The following MYOM1 variants were observed in gnomAD, a reference collection of about 807,000 sequenced individuals.
MYOM1 encodes the protein myomesin 1, also known as myomesin-1.
In MYOM1, 164 loss-of-function variants were observed where a neutral mutation model predicts 205.3. That is an observed-to-expected ratio of 0.80 (90% confidence interval 0.70 to 0.91). MYOM1 has a LOEUF of 0.91. Among genes scored for constraint, MYOM1 ranks in the 40% least tolerant of loss-of-function variants. MYOM1 has a pLI of 0.00. For missense variants in MYOM1, 2,011 were observed against 2,127.3 expected, an observed-to-expected ratio of 0.95 and a Z score of 1.08; for synonymous variants, 772 against 789.4, an observed-to-expected ratio of 0.98 and a Z score of 0.37.
chr18:3,116,432 T>A lies in MYOM1; in HGVS notation c.3202A>T (p.Thr1068Ser). ...QWKPPVHSGR[T>S]PVTGYFVDLK... ...TCCACGAAGTAACCAGTGACCGGAG[T>A]CCGCCCGGAGTGGACTGGCGGCTTC... The change falls in exon 21 of 38, where the codon ACT becomes TCT. Residue 1068 changes from threonine (T) to serine (S), a missense_variant. Physicochemically the swap from Thr to Ser is moderately conservative, Grantham distance 58 (BLOSUM62 1). Transcript: ENST00000356443. 6.2e-7 allele frequency: 1 copy of A among 1,613,752 alleles called. No homozygotes were observed.
chr18:3,155,222 T>C lies in MYOM1; in HGVS notation c.1502-134A>G, dbSNP rs115957401. On this transcript the variant is annotated intron_variant, in intron 10 of 37. Coordinates refer to ENST00000356443, the MANE Select transcript of MYOM1 (RefSeq NM_003803.4). ...TGGCCCCAACGCAGCAAGCATCAAATCTTGCTATTTTTTTTTTGAGACGGA... is the reference window on the plus strand; with the variant it reads ...TGGCCCCAACGCAGCAAGCATCAAACCTTGCTATTTTTTTTTTGAGACGGA... 459 of 934,584 alleles carry C rather than the reference T, an allele frequency of 4.9e-4. 1 individual carries two copies. The African/African-American group carries it at 5.7e-3, about 12-fold the overall frequency. The allele number at this position is 934,584 out of a possible 1,614,324, so 57.9% of individuals were successfully genotyped here.
intron 5 of MYOM1, among the ~76,000 whole-genome samples, chr18:3,181,462 C>T (rs1473898238): frequency 6.6e-6 from 1 of 152,110 alleles, no homozygotes; most frequent in East Asian, 1.9e-4. Flanking sequence ...TTGTGTTAAC[C>T]ATTTTAAATA....
chr18:3,121,839 C>G (rs552821925), intron 19 of MYOM1, among the ~76,000 whole-genome samples: 7 of 152,216 alleles, frequency 4.6e-5, no homozygotes, highest in African/African-American at 1.7e-4. Context: ...ACAGAACAGG[C>G]CAGGTGTGGT....
chr18:3,231,764 G>A, the MYOM1 span, among the ~76,000 whole-genome samples: 5 of 149,590 alleles, frequency 3.3e-5, no homozygotes, highest in East Asian at 6.0e-4. Context: ...GGATGGTCTC[G>A]ATTTCTTGAC....
intron 19 of MYOM1, among the ~76,000 whole-genome samples, chr18:3,124,731 T>C (rs1385280438): frequency 6.6e-5 from 10 of 152,130 alleles, no homozygotes; most frequent in Admixed American, 5.9e-4. Flanking sequence ...GGTGAATTAA[T>C]GACAGAAATG....
intron 13 of MYOM1, among the ~76,000 whole-genome samples, chr18:3,146,190 T>TA (rs1043904799): frequency 1.8e-4 from 28 of 151,848 alleles, no homozygotes; most frequent in Admixed American, 2.6e-4. Context: ...AATGTTTAAT[T>TA]AAAAAAAATA....
chr18:3,157,361 C>T (rs560332130), intron 10 of MYOM1, among the ~76,000 whole-genome samples: 1 of 152,150 alleles, frequency 6.6e-6, no homozygotes, highest in South Asian at 2.1e-4. Context: ...TTCATTCATT[C>T]AGTACTCTTC....
intron 2 of MYOM1, among the ~76,000 whole-genome samples, chr18:3,211,342 C>T (rs755922070): frequency 5.3e-5 from 8 of 152,148 alleles, no homozygotes; most frequent in Non-Finnish European, 8.8e-5. Context: ...CATTTTTAGA[C>T]TTTCTAGAGC....
chr18:3,160,039 C>T (rs181059582), intron 10 of MYOM1, among the ~76,000 whole-genome samples: 2 of 149,840 alleles, frequency 1.3e-5, no homozygotes, highest in East Asian at 3.9e-4. Context: ...TCCTCTTCCT[C>T]CTCCTTCTCC....
chr18:3,074,298 G>A (rs890153738), intron 36 of MYOM1, among the ~76,000 whole-genome samples: 1 of 152,170 alleles, frequency 6.6e-6, no homozygotes. Context: ...GGGGGAAAGT[G>A]GAGAAGGGAG....
At chr18:3,150,818 A>ATTATTG (rs1468950174) in intron 12 of MYOM1, among the ~76,000 whole-genome samples, 1 of 151,700 alleles carries the variant, frequency 6.6e-6, no homozygotes, top group African/African-American at 2.4e-5. Context: ...AAAGATTATT[A>ATTATTG]TTATTGTTAT....
At chr18:3,173,884 T>C (rs2080595585) in intron 8 of MYOM1, 54 bp downstream of exon 8, 2 of 1,507,638 alleles carry the variant, frequency 1.3e-6, no homozygotes, top group Non-Finnish European at 1.8e-6. Context: ...GGCTAACTTA[T>C]TATGCCATAT....
At position 3,215,181 on chromosome 18, in the gene MYOM1, G is replaced by T. The variant is rs1268967095; in HGVS notation, c.43C>A (p.Leu15Ile). Residue 15 changes from leucine (L) to isoleucine (I), a missense_variant, in exon 2 of 38, where the codon CTC becomes ATC. Physicochemically the swap from Leu to Ile is conservative, Grantham distance 5 (BLOSUM62 2). Coordinates refer to ENST00000356443, the MANE Select transcript of MYOM1 (RefSeq NM_003803.4). ...FYQRCHQHYD[L>I]SYRNKDVRST... ...CGCACGTCCTTGTTGCGGTAGCTGA[G>T]ATCATAGTGCTGGTGGCACCTCTGA... is the stretch of plus-strand genomic sequence containing the variant. 1 of 1,613,276 alleles carries T rather than the reference G, an allele frequency of 6.2e-7. No homozygotes were observed. The highest frequency in any genetic ancestry group is 8.5e-7 in the Non-Finnish European group (1 of 1,179,668).
the MYOM1 span, among the ~76,000 whole-genome samples, chr18:3,233,299 A>G: frequency 1.3e-5 from 2 of 152,162 alleles, no homozygotes; most frequent in Non-Finnish European, 1.5e-5. Context: ...AAACTCCCTT[A>G]CTTTTTCTAC....
In MYOM1 at chr18:3,112,355, C is replaced by G. The variant is rs1344740531; in HGVS notation, c.3361G>C (p.Ala1121Pro). Residue 1121 changes from alanine to proline, a missense_variant, in exon 22 of 38, where the codon GCG (alanine) becomes CCG (proline). By Grantham distance (27) the Ala-to-Pro change is conservative. Coordinates refer to ENST00000356443, the MANE Select transcript of MYOM1 (RefSeq NM_003803.4). Reference sequence around the variant, plus strand: ...AGGTCAGATGGCTTCCCAACTCCCGCCTGGTTTATGGCTCGAACACGGAAC... The same window carrying G: ...AGGTCAGATGGCTTCCCAACTCCCGGCTGGTTTATGGCTCGAACACGGAAC... Reference protein sequence around the residue: ...YVFRVRAINQAGVGKPSDLAG... With the variant: ...YVFRVRAINQPGVGKPSDLAG... The G allele has an allele frequency of 6.8e-6, 11 of 1,612,726 alleles. No homozygotes were observed. In the African/African-American group the frequency reaches 1.3e-4, roughly 20 times the overall value.
chr18:3,098,431 C>T (rs2079334339), intron 25 of MYOM1, among the ~76,000 whole-genome samples: 1 of 152,078 alleles, frequency 6.6e-6, no homozygotes, highest in Non-Finnish European at 1.5e-5. Context: ...GCGCCCACCA[C>T]CACACCCAGC....
intron 22 of MYOM1, among the ~76,000 whole-genome samples, chr18:3,106,332 A>C (rs1490556250): frequency 2.0e-5 from 3 of 152,254 alleles, no homozygotes; most frequent in Non-Finnish European, 4.4e-5. Flanking sequence ...AATGAAACAA[A>C]AGATGTTGCT....
chr18:3,116,237 A>G (rs1245412922), intron 21 of MYOM1, 94 bp downstream of exon 21: 1 of 1,344,028 alleles, frequency 7.4e-7, no homozygotes, highest in Non-Finnish European at 1.0e-6. Context: ...GAAACAGATC[A>G]AAGCGGAGAT....
At chr18:3,199,008 A>G (rs1381230834) in intron 2 of MYOM1, among the ~76,000 whole-genome samples, 1 of 152,134 alleles carries the variant, frequency 6.6e-6, no homozygotes, top group Admixed American at 6.5e-5. Flanking sequence ...GGCTCTGAAA[A>G]TCAATCAAAG....
Sources: gnomAD v4.1 joint callset for allele counts (sites outside exome capture counted in the v4.1 genomes callset) on GRCh38, gnomAD v4.1.1 for gene constraint, MANE v1.5 for transcripts, NCBI Gene and HGNC (gene_info 2026-07-23, HGNC 2026-07-21) for gene names.